DIS3: variants seen among roughly 807,000 people sequenced by gnomAD.
DIS3 encodes the protein DIS3 exosome endoribonuclease and 3'-5' exoribonuclease.
Under a neutral mutation model 113.0 loss-of-function variants are expected in DIS3, and 103 were observed. The observed-to-expected ratio is 0.91, with a 90% CI of 0.78 to 1.07. The LOEUF (loss-of-function observed/expected upper bound fraction) is 1.07. Ranked by LOEUF, DIS3 falls within the 50% of genes least tolerant of loss-of-function variation. DIS3 has a pLI of 0.00. For missense variants in DIS3, 1,121 were observed against 1,167.1 expected (o/e 0.96, Z 0.58); for synonymous variants, 402 against 394.3 (o/e 1.02, Z -0.23).
chr13:72,779,995 ACT>A (rs750102536), intron 2 of DIS3, among the ~76,000 whole-genome samples: 58 of 152,100 alleles, frequency 3.8e-4, no homozygotes, highest in Non-Finnish European at 8.1e-4. Flanking sequence ...GAGACCACAC[ACT>A]GAGTTCAAAG....
intron 18 of DIS3, 28 bp from the exon 19 acceptor site, chr13:72,761,549 A>G: frequency 6.5e-7 from 1 of 1,541,172 alleles, no homozygotes; most frequent in Non-Finnish European, 8.7e-7. Flanking sequence ...ACTTATTTAA[A>G]TTGTCTTAAA....
At chr13:72,775,149 A>T in intron 6 of DIS3, 62 bp downstream of exon 6, 1 of 1,459,780 alleles carries the variant, frequency 6.9e-7, no homozygotes, top group Admixed American at 2.4e-5. Flanking sequence ...TTGTTTTCCA[A>T]AGCTGACATA....
Position 72,768,878 on chromosome 13 carries a change from A to T in DIS3, c.1790T>A (p.Ile597Asn). The change falls in exon 14 of 21, where the codon ATT becomes AAT. Residue 597 changes from isoleucine to asparagine, a missense_variant. This residue lies in a region of DIS3 where 861 missense variants were observed against 915.5 expected (regional missense o/e 0.94). Coordinates refer to ENST00000377767, the MANE Select transcript of DIS3 (RefSeq NM_014953.5). ...ATCATCATTCATGTTTGCTGAATCAATTCTCAACTGAGCTTCAGCATACGT... is the reference window on the plus strand; with the variant it reads ...ATCATCATTCATGTTTGCTGAATCATTTCTCAACTGAGCTTCAGCATACGT... Reference protein sequence around the residue: ...SLTYAEAQLRIDSANMNDDIT... With the variant: ...SLTYAEAQLRNDSANMNDDIT... 3.1e-6 allele frequency: 5 copies of T among 1,602,730 alleles called. No individual in the cohort carries two copies. Among genetic ancestry groups the T allele is most frequent in the Non-Finnish European group, 4.3e-6 (5 of 1,170,360 alleles).
rs577458917 is a variant in DIS3 at position 72,781,234 on chromosome 13, G to A, written c.229-231C>T. The A allele has an allele frequency of 2.2e-5, 33 of 1,532,168 alleles. No individual in the cohort carries two copies. In the South Asian group the frequency reaches 2.3e-4, roughly 11 times the overall value. The allele number at this position is 1,532,168 out of a possible 1,614,324, so 94.9% of individuals were successfully genotyped here. A position where few individuals can be genotyped will look rare whatever the true frequency, so the allele number is the denominator to read the frequency against. On this transcript the variant is annotated intron_variant, in intron 1 of 20. Coordinates refer to ENST00000377767, the MANE Select transcript of DIS3 (RefSeq NM_014953.5). Reference sequence around the variant, plus strand: ...AATCACAAGACTTCGTAGAATTAAGGGTATTAATAAAGGAATACGTTGGCC... The same window carrying A: ...AATCACAAGACTTCGTAGAATTAAGAGTATTAATAAAGGAATACGTTGGCC...
At position 72,773,777 on chromosome 13, in the gene DIS3, T is replaced by C. The variant is rs750794919; in HGVS notation, c.1146A>G (p.Arg382=). 6.2e-7 allele frequency: 1 copy of C among 1,614,068 alleles called. No individual in the cohort carries two copies. The highest frequency in any genetic ancestry group is 8.5e-7 in the Non-Finnish European group (1 of 1,179,984). Residue 382 remains arginine (R), a synonymous_variant, in exon 8 of 21, where the codon CGA becomes CGG. Coordinates refer to ENST00000377767, the MANE Select transcript of DIS3 (RefSeq NM_014953.5). ...LFTPADKRIP[R]IRIETRQAST... is the part of the protein sequence containing the mutation. ...AAGCCTGTCTGGTTTCTATGCGAATTCGAGGGATTCTCTTATCAGCAGGTG... is the reference window on the plus strand; with the variant it reads ...AAGCCTGTCTGGTTTCTATGCGAATCCGAGGGATTCTCTTATCAGCAGGTG...
chr13:72,772,228 T>C lies in DIS3; in HGVS notation c.1434A>G (p.Val478=), dbSNP rs200293973. 9 of 1,613,338 alleles carry C rather than the reference T, an allele frequency of 5.6e-6. No individual in the cohort carries two copies. The highest frequency in any genetic ancestry group is 7.6e-6 in the Non-Finnish European group (9 of 1,179,908). Residue 478 remains valine (V), a synonymous_variant, in exon 10 of 21, where the codon GTA becomes GTG. Coordinates refer to ENST00000377767, the MANE Select transcript of DIS3 (RefSeq NM_014953.5). ...EDLRHLCICS[V]DPPGCTDIDD... is the part of the protein sequence containing the mutation. ...CTATATCAGTACATCCTGGTGGGTCTACACTACAAATACACAGATGCCTCA... is the reference window on the plus strand; with the variant it reads ...CTATATCAGTACATCCTGGTGGGTCCACACTACAAATACACAGATGCCTCA...
chr13:72,762,116 T>A lies in DIS3; in HGVS notation c.2149A>T (p.Thr717Ser). ...RSRNLEIKTD[T>S]AKSLAESLDQ... ...AAAGACTCAGCCAAAGACTTGGCTG[T>A]ATCAGTCTTAATTTCCAAATTCTGT... Residue 717 changes from threonine to serine, a missense_variant, in exon 17 of 21, where the codon ACA (threonine) becomes TCA (serine). By Grantham distance (58) the Thr-to-Ser change is moderately conservative. Around this residue, in one of 3 missense-constraint regions of DIS3, gnomAD observed 861 missense variants for 915.5 expected, o/e 0.94. Coordinates refer to ENST00000377767, the MANE Select transcript of DIS3 (RefSeq NM_014953.5). 8 of 1,613,804 alleles carry A rather than the reference T, an allele frequency of 5.0e-6. No homozygotes were observed. The highest frequency in any genetic ancestry group is 6.8e-6 in the Non-Finnish European group (8 of 1,179,956).
rs551172017 is a variant in DIS3, at chr13:72,759,229, A to C, written c.*566T>G. 2.0e-5 allele frequency: 4 copies of C among 200,148 alleles called. No individual in the cohort carries two copies. The highest frequency in any genetic ancestry group is 7.7e-5 in the East Asian group (1 of 12,936). 12.4% of individuals were successfully genotyped at this position (200,148 alleles called of 1,614,324 possible). A position where few individuals can be genotyped will look rare whatever the true frequency, so the allele number is the denominator to read the frequency against. On this transcript the variant is annotated 3_prime_UTR_variant, in exon 21 of 21. Transcript: ENST00000377767. Reference sequence around the variant, plus strand: ...ATATCCTACTTTTTGCCTTTCTACCAATTCCCAAACATTCACAGTTTTTCA... The same window carrying C: ...ATATCCTACTTTTTGCCTTTCTACCCATTCCCAAACATTCACAGTTTTTCA...
chr13:72,779,575 C>T (rs1350540036), intron 2 of DIS3, among the ~76,000 whole-genome samples: 1 of 152,122 alleles, frequency 6.6e-6, no homozygotes, highest in Non-Finnish European at 1.5e-5. Flanking sequence ...TACTGGTATT[C>T]TTTACAAGAA....
At chr13:72,772,860 T>C in intron 8 of DIS3, 21 bp from the exon 9 acceptor site, 1 of 1,569,490 alleles carries the variant, frequency 6.4e-7, no homozygotes, top group Non-Finnish European at 8.6e-7. Flanking sequence ...GAGGCATTAT[T>C]AGAAACGCCT....
intron 14 of DIS3, among the ~76,000 whole-genome samples, chr13:72,768,483 C>T (rs1566243788): frequency 6.6e-6 from 1 of 152,116 alleles, no homozygotes; most frequent in Non-Finnish European, 1.5e-5. Context: ...AACTCCATAT[C>T]TACTAAAAAT....
chr13:72,753,046 TAGTAA>T lies in DIS3; in HGVS notation c.*6744_*6748del, dbSNP rs1383049596. The T allele has an allele frequency of 6.6e-6, 1 of 152,176 alleles. No homozygotes were observed. The highest frequency in any genetic ancestry group is 1.5e-5 in the Non-Finnish European group (1 of 68,030). 9.4% of individuals were successfully genotyped at this position (152,176 alleles called of 1,614,324 possible). ...CTTTTTAAGCCTTAATTTCCTTCTC[TAGTAA>T]AGTATTAGGGTTGTTGAAAGGAGAA... On this transcript the variant is annotated 3_prime_UTR_variant, in exon 21 of 21. Coordinates refer to ENST00000377767, the MANE Select transcript of DIS3 (RefSeq NM_014953.5).
At chr13:72,779,715 A>G (rs80211956) in intron 2 of DIS3, among the ~76,000 whole-genome samples, 2,827 of 119,066 alleles carry the variant, frequency 0.024, 106 homozygotes, top group African/African-American at 0.082. Flanking sequence ...GAGTGAATTC[A>G]CCCCTCAGGG....
At chr13:72,760,960 A>G (rs1274530597) in intron 19 of DIS3, among the ~76,000 whole-genome samples, 1 of 152,168 alleles carries the variant, frequency 6.6e-6, no homozygotes, top group African/African-American at 2.4e-5. Context: ...TATTTTGGCC[A>G]GTTTATTGTT....
At chr13:72,779,771 G>T (rs913438108) in intron 2 of DIS3, among the ~76,000 whole-genome samples, 3 of 150,954 alleles carry the variant, frequency 2.0e-5, no homozygotes, top group South Asian at 2.1e-4. Flanking sequence ...TGGTGGTGGT[G>T]GGGGGGGTAA....
Position 72,760,533 on chromosome 13 carries a change from G to A in DIS3, c.2789C>T (p.Pro930Leu), listed in dbSNP as rs2033597451. The change falls in exon 20 of 21, where the codon CCA becomes CTA. Residue 930 changes from proline (P) to leucine (L), a missense_variant. Pro to Leu is a moderately conservative substitution (Grantham distance 98). Coordinates refer to ENST00000377767, the MANE Select transcript of DIS3 (RefSeq NM_014953.5). ...AAATTTTAAGTTTGGCCTTACCTGT[G>A]GTTCTACCAGGGACATTCGGATCTT... ...HQKIRMSLVEPQIPGISIPTD... is the reference protein window; with the variant it reads ...HQKIRMSLVELQIPGISIPTD... 2 of 1,613,384 alleles carry A rather than the reference G, an allele frequency of 1.2e-6. No homozygotes were observed. The highest frequency in any genetic ancestry group is 1.3e-5 in the African/African-American group (1 of 74,998).
intron 14 of DIS3, among the ~76,000 whole-genome samples, chr13:72,768,010 A>G (rs1470796109): frequency 6.6e-6 from 1 of 152,212 alleles, no homozygotes; most frequent in Non-Finnish European, 1.5e-5. Flanking sequence ...GCCATGACAT[A>G]ACAGCTAAAA....
In DIS3 at chr13:72,760,531, G is replaced by GTGGTTCTACCAGGGACATTCGGA. The variant is rs1291534035; in HGVS notation, c.2768_2790dup (p.Gln931SerfsTer6). On this transcript the variant is annotated stop_gained and frameshift_variant, in exon 20 of 21. Coordinates refer to ENST00000377767, the MANE Select transcript of DIS3 (RefSeq NM_014953.5). LOFTEE classifies it high-confidence loss of function. ...GGAAATTTTAAGTTTGGCCTTACCT[G>GTGGTTCTACCAGGGACATTCGGA]TGGTTCTACCAGGGACATTCGGATC... The GTGGTTCTACCAGGGACATTCGGA allele has an allele frequency of 1.9e-6, 3 of 1,613,340 alleles. No individual in the cohort carries two copies. In the Admixed American group the frequency reaches 5.0e-5, roughly 27 times the overall value.
intron 20 of DIS3, 57 bp downstream of exon 20, chr13:72,760,472 G>A: frequency 6.2e-7 from 1 of 1,606,270 alleles, no homozygotes; most frequent in Non-Finnish European, 8.5e-7. Flanking sequence ...TCCCTTCTTT[G>A]ACAAAATATG....
Sources: allele counts gnomAD v4.1 joint callset (sites outside exome capture counted in the v4.1 genomes callset), GRCh38; gene constraint gnomAD v4.1.1; regional missense constraint gnomAD v4.1.1; transcripts MANE v1.5; gene names NCBI Gene and HGNC (gene_info 2026-07-23, HGNC 2026-07-21).